Variants in NWD2 observed in about 807,000 individuals in gnomAD.
The protein encoded by NWD2 is NACHT and WD repeat domain-containing protein 2.
In NWD2, 37 loss-of-function variants were observed where a neutral mutation model predicts 132.7. The ratio of observed to expected loss-of-function variants is 0.28; its 90% CI spans 0.21 to 0.37. The LOEUF is 0.37. Ranked by LOEUF, NWD2 falls within the 10% of genes least tolerant of loss-of-function variation. NWD2 has a pLI of 1.00. For synonymous variants in NWD2, 705 were observed against 803.0 expected, an observed-to-expected ratio of 0.88 and a Z score of 2.06; for missense variants, 1,592 against 2,122.4, an observed-to-expected ratio of 0.75 and a Z score of 4.91.
chr4:37,298,581 G>A (rs930388889), intron 1 of NWD2, among the ~76,000 whole-genome samples: 1 of 152,114 alleles, frequency 6.6e-6, no homozygotes, highest in African/African-American at 2.4e-5. Flanking sequence ...AGAGAGGTGA[G>A]TGGATGGGCA....
intron 1 of NWD2, among the ~76,000 whole-genome samples, chr4:37,296,041 A>G (rs1718482599): frequency 6.6e-6 from 1 of 152,202 alleles, no homozygotes; most frequent in Admixed American, 6.5e-5. Flanking sequence ...TTCCCAACTG[A>G]GTGGAACAAG....
At chr4:37,385,749 A>G (rs1196139392) in intron 3 of NWD2, among the ~76,000 whole-genome samples, 2 of 152,208 alleles carry the variant, frequency 1.3e-5, no homozygotes, top group African/African-American at 4.8e-5. Flanking sequence ...GTTGGACAAG[A>G]TGTTATTAAT....
At chr4:37,271,221 C>T (rs1353574937) in intron 1 of NWD2, among the ~76,000 whole-genome samples, 1 of 151,774 alleles carries the variant, frequency 6.6e-6, no homozygotes, top group Non-Finnish European at 1.5e-5. Flanking sequence ...TCTGGCTATC[C>T]AAGATCTTCT....
At chr4:37,268,229 A>G (rs1249099442) in intron 1 of NWD2, among the ~76,000 whole-genome samples, 1 of 151,840 alleles carries the variant, frequency 6.6e-6, no homozygotes, top group Non-Finnish European at 1.5e-5. Flanking sequence ...ATTCCCCCAA[A>G]TGAAGCCCGT....
chr4:37,322,274 G>A (rs1719083905), intron 1 of NWD2, among the ~76,000 whole-genome samples: 1 of 152,148 alleles, frequency 6.6e-6, no homozygotes, highest in Non-Finnish European at 1.5e-5. Flanking sequence ...AAACAATGAT[G>A]AGTAATCCTC....
intron 1 of NWD2, among the ~76,000 whole-genome samples, chr4:37,274,004 C>T (rs1717934244): frequency 6.6e-6 from 1 of 152,224 alleles, no homozygotes; most frequent in Non-Finnish European, 1.5e-5. Context: ...GACACCTTAA[C>T]ATCCCAATTA....
intron 1 of NWD2, among the ~76,000 whole-genome samples, chr4:37,263,289 T>A (rs1206525490): frequency 3.9e-5 from 6 of 152,086 alleles, no homozygotes; most frequent in Admixed American, 3.9e-4. Context: ...TACTGACTAT[T>A]TTTTTTATTC....
Position 37,444,129 on chromosome 4 carries a change from G to C in NWD2, c.2141G>C (p.Gly714Ala), listed in dbSNP as rs181518983. The change falls in exon 7 of 7, where the codon GGT becomes GCT. Residue 714 changes from glycine to alanine, a missense_variant. Physicochemically the swap from Gly to Ala is moderately conservative, Grantham distance 60. Around this residue, in one of 7 missense-constraint regions of NWD2, gnomAD observed 1,071 missense variants for 1,398.0 expected, o/e 0.77. Transcript: ENST00000309447. The surrounding 1 kb of genome is among the most constrained non-coding windows in gnomAD (Gnocchi z 4.8). ...TTGTACATTGCAAGGCTCAAGGAGG[G>C]TCTCAGTGGATACCTAATAGAAAGA... ...PYLYIARLKE[G>A]LSGYLIERHV... 4.1e-5 allele frequency: 63 copies of C among 1,551,730 alleles called. No homozygotes were observed. The highest frequency in any genetic ancestry group is 3.5e-6 in the Non-Finnish European group (4 of 1,147,008).
At chr4:37,369,604 A>G (rs143705478) in intron 3 of NWD2, among the ~76,000 whole-genome samples, 89 of 152,370 alleles carry the variant, frequency 5.8e-4, no homozygotes, top group African/African-American at 2.1e-3. Context: ...AGTGTGGACC[A>G]TCAAAATTCG....
At chr4:37,431,456 G>A (rs929898684) in intron 4 of NWD2, among the ~76,000 whole-genome samples, 1 of 152,116 alleles carries the variant, frequency 6.6e-6, no homozygotes, top group Non-Finnish European at 1.5e-5. Context: ...ACTTACATAT[G>A]GAATCTAAAA....
intron 3 of NWD2, among the ~76,000 whole-genome samples, chr4:37,419,345 G>A (rs549929028): frequency 6.6e-6 from 1 of 152,154 alleles, no homozygotes; most frequent in Non-Finnish European, 1.5e-5. Context: ...CATGGGCAAA[G>A]ACCTCATGTC....
chr4:37,430,854 G>A (rs1712157069), intron 4 of NWD2, 79 bp downstream of exon 4: 2 of 1,293,734 alleles, frequency 1.5e-6, no homozygotes, highest in African/African-American at 1.5e-5. Context: ...GGGTGGTGCT[G>A]CACAGAAAAG....
At chr4:37,410,350 C>G (rs1344834467) in intron 3 of NWD2, among the ~76,000 whole-genome samples, 6 of 152,084 alleles carry the variant, frequency 3.9e-5, no homozygotes, top group African/African-American at 1.2e-4. Context: ...GCAGGAGTTG[C>G]AATCCTAATC....
chr4:37,271,427 G>A (rs1717869028), intron 1 of NWD2, among the ~76,000 whole-genome samples: 1 of 151,728 alleles, frequency 6.6e-6, no homozygotes, highest in African/African-American at 2.4e-5. Context: ...CACATCTTTT[G>A]TTAAATTATT....
chr4:37,293,887 A>C (rs1030204898), intron 1 of NWD2, among the ~76,000 whole-genome samples: 5 of 56,656 alleles, frequency 8.8e-5, no homozygotes, highest in Non-Finnish European at 2.4e-4. Flanking sequence ...ACTGCATTTA[A>C]AAAAAAAAAA....
rs575424137 is a variant in NWD2 at position 37,428,897 on chromosome 4, A to G, written c.358-1675A>G. On this transcript the variant is annotated intron_variant, in intron 3 of 6. Transcript: ENST00000309447. The stretch of plus-strand genomic sequence containing the variant: ...CAGGCACACACCACCATGCCTGGCT[A>G]GTTTTTGTATTTTTAGTAGAGACAG... Among the ~76,000 whole-genome samples, 8 of 152,250 alleles carry G rather than the reference A, an allele frequency of 5.3e-5. 1 individual carries two copies. In the South Asian group the frequency reaches 1.7e-3, roughly 32 times the overall value.
intron 1 of NWD2, among the ~76,000 whole-genome samples, chr4:37,320,810 A>T (rs1306768842): frequency 6.6e-6 from 1 of 152,200 alleles, no homozygotes; most frequent in South Asian, 2.1e-4. Flanking sequence ...CAATTTTAGC[A>T]GAGGATCTAT....
At chr4:37,285,057 A>T (rs887256880) in intron 1 of NWD2, among the ~76,000 whole-genome samples, 6 of 151,986 alleles carry the variant, frequency 3.9e-5, no homozygotes, top group Non-Finnish European at 8.8e-5. Context: ...TGAAACTGTA[A>T]ATGACCGTCA....
intron 5 of NWD2, among the ~76,000 whole-genome samples, chr4:37,435,798 T>C (rs1344746383): frequency 1.3e-5 from 2 of 152,190 alleles, no homozygotes; most frequent in Admixed American, 1.3e-4. Context: ...GAGTGTTTTC[T>C]GCTTGGGGTT....
Sources: allele counts gnomAD v4.1 joint callset (sites outside exome capture counted in the v4.1 genomes callset), GRCh38; gene constraint gnomAD v4.1.1; regional missense constraint gnomAD v4.1.1; non-coding constraint Gnocchi (gnomAD v3.1); transcripts MANE v1.5; gene names NCBI Gene and HGNC (gene_info 2026-07-23, HGNC 2026-07-21).